ZCWPW2: variants seen among roughly 807,000 people sequenced by gnomAD.
ZCWPW2 encodes the protein zinc finger CW-type and PWWP domain containing 2, also known as zinc finger CW-type PWWP domain protein 2.
A neutral mutation model predicts 46.6 loss-of-function variants in ZCWPW2; 45 were observed. The ratio of observed to expected loss-of-function variants is 0.96; its 90% confidence interval spans 0.76 to 1.24. ZCWPW2 has a LOEUF of 1.24. Ranked by LOEUF, ZCWPW2 falls within the 50% of genes most tolerant of loss-of-function variation. The pLI is 0.00. For missense variants in ZCWPW2, 429 were observed against 403.9 expected (o/e 1.06, Z -0.53); for synonymous variants, 152 against 137.1 (o/e 1.11, Z -0.76).
At chr3:28,480,661 A>G (rs1377114471) in intron 5 of ZCWPW2, among the ~76,000 whole-genome samples, 3 of 152,104 alleles carry the variant, frequency 2.0e-5, no homozygotes, top group Admixed American at 6.6e-5. Context: ...GCCCATGCCT[A>G]TGTCCTGAAT....
chr3:28,520,931 A>G, intron 8 of ZCWPW2, 61 bp from the exon 9 acceptor site: 1 of 1,585,822 alleles, frequency 6.3e-7, no homozygotes. Context: ...AGTTAAGATT[A>G]TGAATTAGAT....
At chr3:28,460,545 T>C (rs549286660) in intron 4 of ZCWPW2, among the ~76,000 whole-genome samples, 2 of 152,294 alleles carry the variant, frequency 1.3e-5, no homozygotes, top group African/African-American at 4.8e-5. Flanking sequence ...CAGATATTAT[T>C]AGAAAGCCAA....
chr3:28,387,705 A>G (rs1016904642), intron 1 of ZCWPW2, among the ~76,000 whole-genome samples: 2 of 152,178 alleles, frequency 1.3e-5, no homozygotes, highest in Admixed American at 6.5e-5. Context: ...AAATGGCAGA[A>G]TAGGAAACTC....
chr3:28,483,337 T>C (rs1011985572), intron 5 of ZCWPW2, among the ~76,000 whole-genome samples: 8 of 152,192 alleles, frequency 5.3e-5, no homozygotes, highest in African/African-American at 1.9e-4. Flanking sequence ...TCTGTTCTGT[T>C]GATCTATTTG....
At chr3:28,504,355 T>C (rs1027330507) in intron 6 of ZCWPW2, among the ~76,000 whole-genome samples, 1 of 151,858 alleles carries the variant, frequency 6.6e-6, no homozygotes, top group Non-Finnish European at 1.5e-5. Context: ...TGTGCTATTG[T>C]GGAGAGTCTG....
intron 4 of ZCWPW2, chr3:28,460,846 T>C (rs749920352): frequency 1.8e-5 from 3 of 164,434 alleles, no homozygotes; most frequent in Non-Finnish European, 4.1e-5. Flanking sequence ...CAACTTTGAA[T>C]GTATAAATAG....
At chr3:28,383,189 C>T (rs758848069) in intron 1 of ZCWPW2, among the ~76,000 whole-genome samples, 5 of 152,056 alleles carry the variant, frequency 3.3e-5, no homozygotes, top group Admixed American at 6.6e-5. Context: ...TATAAGACAT[C>T]TAAAGCAGAA....
intron 5 of ZCWPW2, among the ~76,000 whole-genome samples, chr3:28,480,864 C>CTTTTTTTTTTT (rs56891846): frequency 1.6e-5 from 2 of 122,008 alleles, no homozygotes; most frequent in African/African-American, 3.1e-5. Context: ...CATTTTTTTT[C>CTTTTTTTTTTT]TTTTTTTTTT....
intron 5 of ZCWPW2, among the ~76,000 whole-genome samples, chr3:28,491,694 G>T (rs937939810): frequency 6.6e-6 from 1 of 151,970 alleles, no homozygotes; most frequent in African/African-American, 2.4e-5. Context: ...TACTTTACAA[G>T]GTTATAATGA....
At chr3:28,398,217 A>G (rs1486696724) in intron 2 of ZCWPW2, 3 of 152,166 alleles carry the variant, frequency 2.0e-5, no homozygotes, top group Non-Finnish European at 4.4e-5. Context: ...GTATCCTCAC[A>G]TGGTGAAGAG....
chr3:28,503,935 C>A (rs895744257), intron 6 of ZCWPW2, among the ~76,000 whole-genome samples: 1 of 151,974 alleles, frequency 6.6e-6, no homozygotes, highest in Non-Finnish European at 1.5e-5. Flanking sequence ...GTGGCTCATG[C>A]CCATAATCCT....
intron 1 of ZCWPW2, among the ~76,000 whole-genome samples, chr3:28,350,779 GTTAA>G (rs1466074568): frequency 6.6e-6 from 1 of 151,688 alleles, no homozygotes; most frequent in African/African-American, 2.4e-5. Flanking sequence ...CCTCTGATAA[GTTAA>G]TTAAAAGATA....
intron 6 of ZCWPW2, among the ~76,000 whole-genome samples, chr3:28,503,280 C>T (rs1700196874): frequency 6.6e-6 from 1 of 152,084 alleles, no homozygotes; most frequent in Admixed American, 6.6e-5. Context: ...GAACAGCTGC[C>T]AGATGTTGTC....
intron 3 of ZCWPW2, among the ~76,000 whole-genome samples, chr3:28,421,494 G>A (rs1032534969): frequency 2.6e-5 from 4 of 152,086 alleles, no homozygotes; most frequent in African/African-American, 9.7e-5. Flanking sequence ...GTTATTCTGT[G>A]TAAGTTTTCT....
intron 3 of ZCWPW2, 80 bp from the exon 4 acceptor site, chr3:28,435,030 G>A: frequency 6.7e-7 from 1 of 1,484,696 alleles, no homozygotes; most frequent in Non-Finnish European, 9.2e-7. Flanking sequence ...AAAGGAGGAA[G>A]TTAATATGCG....
intron 2 of ZCWPW2, among the ~76,000 whole-genome samples, chr3:28,392,776 T>C (rs911476669): frequency 1.3e-5 from 2 of 151,604 alleles, no homozygotes; most frequent in Non-Finnish European, 2.9e-5. Context: ...GAAAAAGATA[T>C]CATACCAAAA....
At chr3:28,497,830 C>G (rs1006151904) in intron 6 of ZCWPW2, among the ~76,000 whole-genome samples, 4 of 152,042 alleles carry the variant, frequency 2.6e-5, no homozygotes, top group Non-Finnish European at 5.9e-5. Flanking sequence ...AGCTCTTCAG[C>G]CATGTGTGAT....
At chr3:28,439,109 A>C (rs931811156) in intron 4 of ZCWPW2, among the ~76,000 whole-genome samples, 2 of 145,686 alleles carry the variant, frequency 1.4e-5, no homozygotes, top group Non-Finnish European at 3.1e-5. Context: ...ACACACACAC[A>C]CCATAGGATA....
chr3:28,406,229 A>G (rs997029962), intron 2 of ZCWPW2, among the ~76,000 whole-genome samples: 2 of 152,238 alleles, frequency 1.3e-5, no homozygotes, highest in African/African-American at 4.8e-5. Flanking sequence ...CTACACATAT[A>G]GTAAAGAATG....
Sources: gnomAD v4.1 joint callset for allele counts (sites outside exome capture counted in the v4.1 genomes callset) on GRCh38, gnomAD v4.1.1 for gene constraint, MANE v1.5 for transcripts, NCBI Gene and HGNC (gene_info 2026-07-23, HGNC 2026-07-21) for gene names.